Variants in PLD3 observed in about 807,000 individuals in gnomAD.
PLD3 encodes the protein phospholipase D family member 3, also known as 5'-3' exonuclease PLD3.
Under a neutral mutation model 58.4 loss-of-function variants are expected in PLD3, and 31 were observed. The ratio of observed to expected loss-of-function variants is 0.53; its 90% CI spans 0.40 to 0.72. The LOEUF is 0.72. Among genes scored for constraint, PLD3 ranks in the 30% least tolerant of loss-of-function variants. PLD3 has a pLI of 0.00. For missense variants in PLD3, 595 were observed against 659.8 expected (o/e 0.90, Z 1.08); for synonymous variants, 264 against 273.4 (o/e 0.97, Z 0.34).
rs914628597 is a variant in PLD3, at chr19:40,366,091, T to A, written c.-66+161T>A. 1.1e-5 allele frequency: 3 copies of A among 282,218 alleles called. No individual in the cohort carries two copies. The Admixed American group carries it at 1.5e-4, about 14-fold the overall frequency. 17.5% of individuals were successfully genotyped at this position (282,218 alleles called of 1,614,324 possible). A position where few individuals can be genotyped will look rare whatever the true frequency, so the allele number is the denominator to read the frequency against. On this transcript the variant is annotated intron_variant, in intron 2 of 12. Transcript: ENST00000409735. ...CTGAGAAAAGCCAGGCACAAAGACC[T>A]GGGGCTCCGCTGACCTCATCCAGCG...
At chr19:40,372,849 G>A (rs569801505) in intron 9 of PLD3, among the ~76,000 whole-genome samples, 30 of 152,212 alleles carry the variant, frequency 2.0e-4, no homozygotes, top group African/African-American at 7.2e-4. Context: ...TCCAGCCTGG[G>A]CAAGAGGCTG....
intron 9 of PLD3, 112 bp downstream of exon 9, chr19:40,371,985 C>A: frequency 1.2e-6 from 1 of 807,296 alleles, no homozygotes; most frequent in Non-Finnish European, 2.0e-6. Flanking sequence ...ACCATCAGTT[C>A]TCACCCCAGC....
At chr19:40,350,403 G>A (rs1262773546) in intron 1 of PLD3, among the ~76,000 whole-genome samples, 1 of 151,672 alleles carries the variant, frequency 6.6e-6, no homozygotes, top group Non-Finnish European at 1.5e-5. Flanking sequence ...TACTATATAT[G>A]TGCCCAACAC....
rs774732322 is a variant in PLD3 at position 40,377,846 on chromosome 19, CACA to C, written c.1251_1253del (p.Asn417del). ...TCGAATCCCATATGCCCGTGTCAACCACAACAAGTACATGGTGACTGAACGCGC... is the reference window on the plus strand; with the variant it reads ...TCGAATCCCATATGCCCGTGTCAACCACAAGTACATGGTGACTGAACGCGC... On this transcript the variant is annotated inframe_deletion, in exon 12 of 13. Transcript: ENST00000409735. 17 of 1,613,896 alleles carry C rather than the reference CACA, an allele frequency of 1.1e-5. No homozygotes were observed. Among genetic ancestry groups the C allele is most frequent in the African/African-American group, 1.3e-5 (1 of 74,880 alleles).
At chr19:40,369,055 T>C (rs937788691) in intron 6 of PLD3, among the ~76,000 whole-genome samples, 2 of 152,160 alleles carry the variant, frequency 1.3e-5, no homozygotes, top group Non-Finnish European at 1.5e-5. Context: ...AGCCTAGGAA[T>C]TGGAGGCTGC....
intron 1 of PLD3, among the ~76,000 whole-genome samples, chr19:40,354,225 C>T (rs1016253766): frequency 2.0e-5 from 3 of 152,112 alleles, no homozygotes; most frequent in Admixed American, 2.0e-4. Context: ...AGGTGCATGC[C>T]ACCAGGCCCG....
chr19:40,354,802 A>C (rs1231052744), intron 1 of PLD3, among the ~76,000 whole-genome samples: 1 of 151,512 alleles, frequency 6.6e-6, no homozygotes, highest in Non-Finnish European at 1.5e-5. Flanking sequence ...CTGGGATTAC[A>C]GGTGTGAGCC....
At chr19:40,368,297 A>G (rs2078979636) in intron 6 of PLD3, among the ~76,000 whole-genome samples, 1 of 152,146 alleles carries the variant, frequency 6.6e-6, no homozygotes, top group Admixed American at 6.5e-5. Flanking sequence ...AATGGGGCCA[A>G]TTTATAGCAC....
intron 9 of PLD3, among the ~76,000 whole-genome samples, chr19:40,374,244 G>A (rs2079136955): frequency 1.3e-5 from 2 of 152,160 alleles, no homozygotes; most frequent in African/African-American, 4.8e-5. Flanking sequence ...CAGACAGCCT[G>A]GGTTCGAATC....
chr19:40,358,912 C>T (rs1209489485), intron 1 of PLD3: 1 of 152,148 alleles, frequency 6.6e-6, no homozygotes, highest in Non-Finnish European at 1.5e-5. Flanking sequence ...TTTACTTCCT[C>T]CTTTTTGCGG....
intron 8 of PLD3, among the ~76,000 whole-genome samples, chr19:40,371,053 T>C (rs1285059153): frequency 6.6e-6 from 1 of 152,114 alleles, no homozygotes; most frequent in African/African-American, 2.4e-5. Flanking sequence ...ATTGGAGGGT[T>C]TCCCAAAGGA....
chr19:40,363,700 G>A (rs1040116194), intron 1 of PLD3, among the ~76,000 whole-genome samples: 11 of 152,162 alleles, frequency 7.2e-5, no homozygotes, highest in Non-Finnish European at 1.6e-4. Flanking sequence ...CAAAGTGCTG[G>A]GATTACAGGC....
At chr19:40,352,636 T>A (rs2078547555) in intron 1 of PLD3, among the ~76,000 whole-genome samples, 1 of 152,016 alleles carries the variant, frequency 6.6e-6, no homozygotes, top group Admixed American at 6.6e-5. Context: ...TTAAATATAT[T>A]AAGTCCAATT....
chr19:40,370,081 C>A, intron 7 of PLD3, 29 bp from the exon 8 acceptor site: 3 of 1,591,962 alleles, frequency 1.9e-6, no homozygotes, highest in Non-Finnish European at 2.6e-6. Flanking sequence ...CCCAGCCTGG[C>A]CCCTGATCTC....
chr19:40,370,270 G>A (rs1349719323), intron 8 of PLD3, 33 bp downstream of exon 8: 3 of 1,593,198 alleles, frequency 1.9e-6, no homozygotes, highest in South Asian at 2.3e-5. Flanking sequence ...TTCCTTCCAG[G>A]CCACTCCCTG....
intron 1 of PLD3, among the ~76,000 whole-genome samples, chr19:40,351,089 T>C (rs1185280587): frequency 6.6e-6 from 1 of 150,520 alleles, no homozygotes; most frequent in Non-Finnish European, 1.5e-5. Context: ...ATTAGCCAGG[T>C]ATGGTGGTGT....
intron 9 of PLD3, 42 bp from the exon 10 acceptor site, chr19:40,374,439 A>T: frequency 6.2e-7 from 1 of 1,609,064 alleles, no homozygotes; most frequent in Non-Finnish European, 8.5e-7. Context: ...TGTGACGATG[A>T]CCCTGGCAGG....
intron 1 of PLD3, among the ~76,000 whole-genome samples, chr19:40,361,873 C>A (rs2078794427): frequency 6.7e-6 from 1 of 149,738 alleles, no homozygotes; most frequent in African/African-American, 2.5e-5. Flanking sequence ...GACGGAGTTT[C>A]CTTTGTCGCC....
Position 40,370,308 on chromosome 19 carries a change from C to T in PLD3, c.678+71C>T. 3 of 1,504,758 alleles carry T rather than the reference C, an allele frequency of 2.0e-6. No individual in the cohort carries two copies. In the Admixed American group the frequency reaches 5.7e-5, roughly 29 times the overall value. 93.2% of individuals were successfully genotyped at this position (1,504,758 alleles called of 1,614,324 possible). A position where few individuals can be genotyped will look rare whatever the true frequency, so the allele number is the denominator to read the frequency against. On this transcript the variant is annotated intron_variant, in intron 8 of 12. Transcript: ENST00000409735. ...CCACAGGGCACCCAGCCTCCGACTG[C>T]ATCCCTCACTCAATCCAGAGTCCTC...
Sources: gnomAD v4.1 joint callset for allele counts (sites outside exome capture counted in the v4.1 genomes callset) on GRCh38, gnomAD v4.1.1 for gene constraint, MANE v1.5 for transcripts, NCBI Gene and HGNC (gene_info 2026-07-23, HGNC 2026-07-21) for gene names.